Variants in GPHN observed in about 807,000 individuals in gnomAD.
GPHN encodes the protein gephyrin.
A neutral mutation model predicts 95.5 loss-of-function variants in GPHN; 17 were observed. That is an observed-to-expected ratio of 0.18 (90% CI 0.12 to 0.27). The LOEUF (loss-of-function observed/expected upper bound fraction) is 0.27. GPHN is among the 10% of genes least tolerant of loss of function. GPHN has a pLI of 1.00. For missense variants in GPHN, 660 were observed against 978.1 expected, an observed-to-expected ratio of 0.67 and a Z score of 4.34; for synonymous variants, 320 against 322.5, an observed-to-expected ratio of 0.99 and a Z score of 0.08.
intron 1 of GPHN, among the ~76,000 whole-genome samples, chr14:66,679,539 C>T (rs906488992): frequency 2.6e-5 from 4 of 152,102 alleles, no homozygotes; most frequent in Non-Finnish European, 5.9e-5. Flanking sequence ...ATTGTTTCTC[C>T]TCACTTTCTG....
intron 1 of GPHN, among the ~76,000 whole-genome samples, chr14:66,531,871 G>A (rs189082645): frequency 1.4e-3 from 206 of 152,280 alleles, no homozygotes; most frequent in African/African-American, 4.8e-3. Flanking sequence ...TTTAGTAAAA[G>A]ACTAGATAGT....
intron 11 of GPHN, among the ~76,000 whole-genome samples, chr14:67,076,230 T>C (rs535170377): frequency 6.6e-6 from 1 of 152,206 alleles, no homozygotes; most frequent in Non-Finnish European, 1.5e-5. Context: ...CAGATAATTG[T>C]TAGCATTTTT....
At chr14:66,660,623 G>A (rs1387172557) in intron 1 of GPHN, among the ~76,000 whole-genome samples, 3 of 152,070 alleles carry the variant, frequency 2.0e-5, no homozygotes, top group African/African-American at 4.8e-5. Flanking sequence ...ACTTCAAAAA[G>A]TACTTCCAGT....
chr14:66,517,072 G>A lies in GPHN; in HGVS notation c.64+8481G>A, dbSNP rs186018171. ...GAACCCCTGAGGCAGAGATTGTAGT[G>A]AGCCAAGACTGTGCCACTGTACTCC... On this transcript the variant is annotated intron_variant, in intron 1 of 22. Coordinates refer to ENST00000478722, the MANE Select transcript of GPHN (RefSeq NM_020806.5). Among the ~76,000 whole-genome samples, 463 of 135,340 alleles carry A rather than the reference G, an allele frequency of 3.4e-3. 3 individuals are homozygous for A. The highest frequency in any genetic ancestry group is 0.011 in the African/African-American group (399 of 35,894). 88.8% of individuals were successfully genotyped at this position (135,340 alleles called of 152,430 possible).
At chr14:66,579,625 A>T (rs557418900) in intron 1 of GPHN, among the ~76,000 whole-genome samples, 2 of 151,910 alleles carry the variant, frequency 1.3e-5, no homozygotes, top group Non-Finnish European at 3.0e-5. Flanking sequence ...TTATATAATG[A>T]TAAAAGTGTT....
the GPHN span, among the ~76,000 whole-genome samples, chr14:67,481,841 G>A: frequency 1.2e-4 from 18 of 152,318 alleles, no homozygotes; most frequent in East Asian, 3.9e-4. Flanking sequence ...AGGGAGAACC[G>A]GCAGCTCAGG....
At chr14:67,140,322 T>G (rs1328490293) in intron 17 of GPHN, among the ~76,000 whole-genome samples, 1 of 151,352 alleles carries the variant, frequency 6.6e-6, no homozygotes, top group Non-Finnish European at 1.5e-5. Flanking sequence ...AGGCAGAGGT[T>G]GCAGTGAGCC....
At chr14:67,618,262 C>T in the GPHN span, among the ~76,000 whole-genome samples, 1 of 152,152 alleles carries the variant, frequency 6.6e-6, no homozygotes, top group Non-Finnish European at 1.5e-5. Context: ...GTGCCCTACC[C>T]CTAGAGTTAC....
chr14:67,587,575 C>A, the GPHN span: 13 of 278,438 alleles, frequency 4.7e-5, no homozygotes, highest in Non-Finnish European at 6.9e-5. Context: ...CTGGTACTCT[C>A]AAGGAAGCTA....
chr14:66,747,388 AT>A (rs879261274), intron 2 of GPHN, among the ~76,000 whole-genome samples: 1 of 152,138 alleles, frequency 6.6e-6, no homozygotes, highest in Non-Finnish European at 1.5e-5. Context: ...TTTTGTTCTT[AT>A]TTGTATCTTT....
chr14:66,697,424 G>T (rs1240910691), intron 2 of GPHN, among the ~76,000 whole-genome samples: 1 of 152,068 alleles, frequency 6.6e-6, no homozygotes, highest in Non-Finnish European at 1.5e-5. Context: ...TGTAATTTTG[G>T]ATAATTGTTG....
At chr14:67,363,047 T>C in the GPHN span, among the ~76,000 whole-genome samples, 15 of 152,228 alleles carry the variant, frequency 9.9e-5, no homozygotes, top group Admixed American at 3.9e-4. Context: ...CCTTTACTGT[T>C]TGGAGAAGCT....
chr14:67,146,708 TGTA>T (rs954921973), intron 18 of GPHN, among the ~76,000 whole-genome samples: 1 of 152,216 alleles, frequency 6.6e-6, no homozygotes, highest in Non-Finnish European at 1.5e-5. Flanking sequence ...TGATTTGTTT[TGTA>T]AGTCTAGAGC....
chr14:66,865,262 C>T (rs552149873), intron 4 of GPHN, among the ~76,000 whole-genome samples: 19 of 151,952 alleles, frequency 1.3e-4, no homozygotes, highest in African/African-American at 4.6e-4. Flanking sequence ...GATTGACTAA[C>T]ACAAAGGATA....
At chr14:67,386,849 A>ACTT in the GPHN span, 3 of 152,476 alleles carry the variant, frequency 2.0e-5, no homozygotes, top group African/African-American at 7.2e-5. Flanking sequence ...CACCATCCCC[A>ACTT]CTTTAAGATG....
chr14:67,160,681 T>C (rs1379373850), intron 19 of GPHN, among the ~76,000 whole-genome samples: 1 of 152,164 alleles, frequency 6.6e-6, no homozygotes, highest in Non-Finnish European at 1.5e-5. Flanking sequence ...ACAGTAATGA[T>C]GCTTTACTGT....
intron 17 of GPHN, among the ~76,000 whole-genome samples, chr14:67,127,035 G>A (rs1247247514): frequency 1.4e-5 from 2 of 145,230 alleles, no homozygotes; most frequent in Non-Finnish European, 3.0e-5. Context: ...TCATAGGTGG[G>A]AATTGAACAA....
chr14:67,151,642 G>A (rs756201394), intron 18 of GPHN, among the ~76,000 whole-genome samples: 17 of 152,072 alleles, frequency 1.1e-4, no homozygotes, highest in Non-Finnish European at 4.4e-5. Flanking sequence ...TTGTTTGTTT[G>A]TTTTTGTTTT....
chr14:66,867,084 T>C (rs1372890841), intron 4 of GPHN, among the ~76,000 whole-genome samples: 1 of 152,078 alleles, frequency 6.6e-6, no homozygotes, highest in Non-Finnish European at 1.5e-5. Context: ...AAATGGAGCA[T>C]CTTCTCTTCA....
Sources: gnomAD v4.1 joint callset for allele counts (sites outside exome capture counted in the v4.1 genomes callset) on GRCh38, gnomAD v4.1.1 for gene constraint, MANE v1.5 for transcripts, NCBI Gene and HGNC (gene_info 2026-07-23, HGNC 2026-07-21) for gene names.